Variants in RALGAPA2 observed in about 807,000 individuals in gnomAD.
The protein encoded by RALGAPA2 is ral GTPase-activating protein subunit alpha-2.
RALGAPA2 carries 139 observed loss-of-function variants against 230.4 expected under a neutral mutation model. The observed-to-expected ratio is 0.60, with a 90% confidence interval of 0.53 to 0.69. The LOEUF (loss-of-function observed/expected upper bound fraction) is 0.69, where lower values mean the gene tolerates loss of function less well. Among genes scored for constraint, RALGAPA2 ranks in the 30% least tolerant of loss-of-function variants. The pLI is 0.00. For missense variants in RALGAPA2, 2,163 were observed against 2,276.0 expected, an observed-to-expected ratio of 0.95 and a Z score of 1.01; for synonymous variants, 847 against 837.8, an observed-to-expected ratio of 1.01 and a Z score of -0.19.
At chr20:20,495,490 T>C (rs572571246) in intron 35 of RALGAPA2, among the ~76,000 whole-genome samples, 3 of 152,358 alleles carry the variant, frequency 2.0e-5, no homozygotes, top group Non-Finnish European at 4.4e-5. Context: ...AGATAAGGCA[T>C]GCTAGCTTCG....
chr20:20,461,087 A>T (rs1405809498), intron 37 of RALGAPA2, among the ~76,000 whole-genome samples: 2 of 152,256 alleles, frequency 1.3e-5, no homozygotes, highest in Non-Finnish European at 2.9e-5. Context: ...ATTATAGAGC[A>T]TAAGTACAAA....
intron 3 of RALGAPA2, among the ~76,000 whole-genome samples, chr20:20,656,105 G>A (rs1263585973): frequency 6.6e-6 from 1 of 152,182 alleles, no homozygotes; most frequent in Non-Finnish European, 1.5e-5. Context: ...CTGAAGCTGT[G>A]TGTACATGAG....
At chr20:20,639,975 G>A (rs1191562057) in intron 6 of RALGAPA2, 75 bp from the exon 7 acceptor site, 13 of 1,136,456 alleles carry the variant, frequency 1.1e-5, no homozygotes, top group Middle Eastern at 2.0e-4. Context: ...TTTAAAAATG[G>A]TCTCTATTAA....
chr20:20,657,192 G>T (rs927361335), intron 3 of RALGAPA2, among the ~76,000 whole-genome samples: 1 of 152,166 alleles, frequency 6.6e-6, no homozygotes, highest in Admixed American at 6.5e-5. Flanking sequence ...ATTAGACAGG[G>T]GAGCCTCAGA....
At chr20:20,465,576 C>G (rs563570508) in intron 37 of RALGAPA2, among the ~76,000 whole-genome samples, 1 of 152,296 alleles carries the variant, frequency 6.6e-6, no homozygotes, top group South Asian at 2.1e-4. Context: ...CTAGGGGGAG[C>G]ATCAGCCTGG....
chr20:20,638,738 T>C (rs1471219550), intron 7 of RALGAPA2, among the ~76,000 whole-genome samples: 1 of 151,942 alleles, frequency 6.6e-6, no homozygotes, highest in East Asian at 1.9e-4. Flanking sequence ...AAATGTGGAG[T>C]TTCCAGAATA....
intron 36 of RALGAPA2, among the ~76,000 whole-genome samples, chr20:20,473,907 T>A (rs1457450323): frequency 6.6e-6 from 1 of 152,196 alleles, no homozygotes; most frequent in Non-Finnish European, 1.5e-5. Flanking sequence ...AAATATTTAT[T>A]ATGTGTTGGA....
intron 36 of RALGAPA2, among the ~76,000 whole-genome samples, chr20:20,490,083 A>G (rs2062012280): frequency 6.6e-6 from 1 of 152,252 alleles, no homozygotes; most frequent in Non-Finnish European, 1.5e-5. Flanking sequence ...AGCAGCTAAG[A>G]GCTAATAATA....
intron 37 of RALGAPA2, among the ~76,000 whole-genome samples, chr20:20,467,859 GTT>G (rs1239258352): frequency 3.9e-5 from 6 of 152,094 alleles, no homozygotes; most frequent in African/African-American, 1.2e-4. Flanking sequence ...ATAATTTTAA[GTT>G]TTTAATAAAA....
Position 20,390,332 on chromosome 20 carries a change from C to T in RALGAPA2, c.*2957G>A, listed in dbSNP as rs1345269250. 1 of 152,186 alleles carries T rather than the reference C, an allele frequency of 6.6e-6. No homozygotes were observed. The highest frequency in any genetic ancestry group is 1.5e-5 in the Non-Finnish European group (1 of 68,026). 9.4% of individuals were successfully genotyped at this position (152,186 alleles called of 1,614,324 possible). A position where few individuals can be genotyped will look rare whatever the true frequency, so the allele number is the denominator to read the frequency against. On this transcript the variant is annotated 3_prime_UTR_variant, in exon 40 of 40. Coordinates refer to ENST00000202677, the MANE Select transcript of RALGAPA2 (RefSeq NM_020343.4). ...GGAACCGCAGACTTTGTTGCTGAGG[C>T]AACCCAGGCTAAATTTCTTCACTTC...
intron 30 of RALGAPA2, among the ~76,000 whole-genome samples, chr20:20,522,223 C>G (rs2046324568): frequency 6.6e-6 from 1 of 150,992 alleles, no homozygotes; most frequent in East Asian, 1.9e-4. Context: ...TAGGTATACA[C>G]CCAACAGAAA....
intron 3 of RALGAPA2, chr20:20,660,005 A>G (rs1008088240): frequency 2.0e-4 from 41 of 200,688 alleles, no homozygotes; most frequent in Non-Finnish European, 7.2e-5. Context: ...GCACTTTGGG[A>G]GGCTGAGGTG....
intron 7 of RALGAPA2, among the ~76,000 whole-genome samples, chr20:20,638,313 C>G (rs1163030710): frequency 6.6e-6 from 1 of 152,216 alleles, no homozygotes. Flanking sequence ...TCCCAACTTC[C>G]TTCCTGACAT....
intron 37 of RALGAPA2, among the ~76,000 whole-genome samples, chr20:20,414,406 C>T (rs1033843457): frequency 2.0e-5 from 3 of 152,288 alleles, no homozygotes; most frequent in East Asian, 3.9e-4. Context: ...GAAATGCGTG[C>T]GCATTTTGCT....
chr20:20,594,489 A>G (rs1379867588), intron 16 of RALGAPA2, among the ~76,000 whole-genome samples: 1 of 152,092 alleles, frequency 6.6e-6, no homozygotes, highest in African/African-American at 2.4e-5. Flanking sequence ...AAATGGAGAA[A>G]GAATTATATC....
chr20:20,638,207 C>G (rs752388221), intron 7 of RALGAPA2, among the ~76,000 whole-genome samples: 1 of 152,218 alleles, frequency 6.6e-6, no homozygotes, highest in Non-Finnish European at 1.5e-5. Context: ...CAAGTGCAGT[C>G]ACCCCCAACA....
intron 1 of RALGAPA2, among the ~76,000 whole-genome samples, chr20:20,711,026 C>A (rs552524599): frequency 1.3e-5 from 2 of 152,276 alleles, no homozygotes; most frequent in South Asian, 2.1e-4. Context: ...AAGAACGCCA[C>A]ACTTCACTCT....
At chr20:20,526,971 T>C (rs556513605) in intron 27 of RALGAPA2, among the ~76,000 whole-genome samples, 21 of 152,270 alleles carry the variant, frequency 1.4e-4, no homozygotes, top group African/African-American at 4.6e-4. Flanking sequence ...GCATCTCAAG[T>C]CACCAACAAG....
rs142025052 is a variant in RALGAPA2, at chr20:20,583,286, C to T, written c.2531-60G>A. On this transcript the variant is annotated intron_variant, in intron 19 of 39. Coordinates refer to ENST00000202677, the MANE Select transcript of RALGAPA2 (RefSeq NM_020343.4). ...AAATAGCTGAAAATCAGAATGTTCA[C>T]AATTACTGATACGAAAGTAACTAAA... The T allele has an allele frequency of 8.3e-5, 123 of 1,477,806 alleles. No individual in the cohort carries two copies. The East Asian group carries it at 2.2e-3, about 27-fold the overall frequency. The allele number at this position is 1,477,806 out of a possible 1,614,324, so 91.5% of individuals were successfully genotyped here. A position where few individuals can be genotyped will look rare whatever the true frequency, so the allele number is the denominator to read the frequency against.
Sources: allele counts gnomAD v4.1 joint callset (sites outside exome capture counted in the v4.1 genomes callset), GRCh38; gene constraint gnomAD v4.1.1; transcripts MANE v1.5; gene names NCBI Gene and HGNC (gene_info 2026-07-23, HGNC 2026-07-21).